DCLK1: variants seen among roughly 807,000 people sequenced by gnomAD.
The protein encoded by DCLK1 is serine/threonine-protein kinase DCLK1.
DCLK1 carries 16 observed loss-of-function variants against 86.2 expected under a neutral mutation model. The ratio of observed to expected loss-of-function variants is 0.19; its 90% confidence interval spans 0.13 to 0.28. The LOEUF (loss-of-function observed/expected upper bound fraction) is 0.28, where lower values mean the gene tolerates loss of function less well. Ranked by LOEUF, DCLK1 falls within the 10% of genes least tolerant of loss-of-function variation. The pLI is 1.00. For missense variants in DCLK1, 590 were observed against 940.2 expected (o/e 0.63, Z 4.87); for synonymous variants, 369 against 370.5 (o/e 1.00, Z 0.05).
intron 4 of DCLK1, among the ~76,000 whole-genome samples, chr13:35,916,710 C>G (rs775893442): frequency 4.8e-4 from 73 of 152,166 alleles, no homozygotes; most frequent in Non-Finnish European, 7.9e-4. Flanking sequence ...GATACACATG[C>G]ATGCATACAT....
chr13:35,825,545 T>C (rs1003218926), intron 10 of DCLK1, among the ~76,000 whole-genome samples: 1 of 152,086 alleles, frequency 6.6e-6, no homozygotes, highest in African/African-American at 2.4e-5. Context: ...CTTTGCCATC[T>C]TGAAATTTCA....
At chr13:35,850,050 C>T (rs1330793510) in intron 6 of DCLK1, 1 of 979,940 alleles carries the variant, frequency 1.0e-6, no homozygotes, top group Non-Finnish European at 1.2e-6. Context: ...TACTTGACAA[C>T]AAAAACAAGG....
chr13:36,065,632 T>C (rs1883719809), intron 3 of DCLK1, among the ~76,000 whole-genome samples: 1 of 152,156 alleles, frequency 6.6e-6, no homozygotes, highest in Non-Finnish European at 1.5e-5. Context: ...GAATTGAACC[T>C]AACCCTGAGA....
chr13:35,796,657 A>G (rs1480530987), intron 15 of DCLK1, among the ~76,000 whole-genome samples: 2 of 152,260 alleles, frequency 1.3e-5, no homozygotes, highest in African/African-American at 2.4e-5. Context: ...AGGTGAATTC[A>G]TTTGCTCCAC....
chr13:36,123,011 C>T (rs1886047553), intron 2 of DCLK1, among the ~76,000 whole-genome samples: 1 of 152,140 alleles, frequency 6.6e-6, no homozygotes, highest in African/African-American at 2.4e-5. Context: ...TATTGTAATT[C>T]AGAATTTTTA....
In DCLK1 at chr13:35,811,060, T is replaced by A. The variant is rs2153102980; in HGVS notation, c.1555-92A>T. ...TGAGGAACACTGTGTTTAAATTTAATGTATAGGAGGTAAAAAATAAATTAG... is the reference window on the plus strand; with the variant it reads ...TGAGGAACACTGTGTTTAAATTTAAAGTATAGGAGGTAAAAAATAAATTAG... On this transcript the variant is annotated intron_variant, in intron 11 of 16. Transcript: ENST00000360631. 5.9e-6 allele frequency: 9 copies of A among 1,515,330 alleles called. No individual in the cohort carries two copies. In the South Asian group the frequency reaches 1.1e-4, roughly 18 times the overall value. 93.9% of individuals were successfully genotyped at this position (1,515,330 alleles called of 1,614,324 possible). A position where few individuals can be genotyped will look rare whatever the true frequency, so the allele number is the denominator to read the frequency against.
intron 4 of DCLK1, among the ~76,000 whole-genome samples, chr13:35,941,003 C>T (rs1566612653): frequency 6.6e-6 from 1 of 152,032 alleles, no homozygotes; most frequent in African/African-American, 2.4e-5. Context: ...TTTATTGTCT[C>T]ATTTGAGGTC....
Position 35,828,445 on chromosome 13 carries a change from T to C in DCLK1, c.1230-138A>G. On this transcript the variant is annotated intron_variant, in intron 8 of 16. Transcript: ENST00000360631. The stretch of plus-strand genomic sequence containing the variant: ...TTTGTGAAAGGATTTCCTTTCCTTT[T>C]TTAAAAAAAAACAAATAAATATGTA... 7.0e-6 allele frequency: 5 copies of C among 710,178 alleles called. No individual in the cohort carries two copies. In the South Asian group the frequency reaches 1.0e-4, roughly 15 times the overall value. 44.0% of individuals were successfully genotyped at this position (710,178 alleles called of 1,614,324 possible). A position where few individuals can be genotyped will look rare whatever the true frequency, so the allele number is the denominator to read the frequency against.
rs1297759894 is a variant in DCLK1 at position 35,769,176 on chromosome 13, A to G, written c.*5359T>C. Reference sequence around the variant, plus strand: ...GATCTCATTCCACCTTTAATTAAGGACACAAATTGTTTGAAAGTTATTTCA... The same window carrying G: ...GATCTCATTCCACCTTTAATTAAGGGCACAAATTGTTTGAAAGTTATTTCA... On this transcript the variant is annotated 3_prime_UTR_variant, in exon 17 of 17. Coordinates refer to ENST00000360631, the MANE Select transcript of DCLK1 (RefSeq NM_001330071.2). The G allele has an allele frequency of 1.3e-5, 2 of 152,226 alleles. No individual in the cohort carries two copies. The highest frequency in any genetic ancestry group is 3.8e-4 in the East Asian group (2 of 5,206). 9.4% of individuals were successfully genotyped at this position (152,226 alleles called of 1,614,324 possible).
chr13:35,791,789 G>T (rs1484310205), intron 16 of DCLK1, among the ~76,000 whole-genome samples: 1 of 152,190 alleles, frequency 6.6e-6, no homozygotes, highest in Non-Finnish European at 1.5e-5. Context: ...AGGTGGAAAG[G>T]CACTCTCTCT....
chr13:35,899,797 A>G (rs1332826185), intron 4 of DCLK1, among the ~76,000 whole-genome samples: 1 of 152,210 alleles, frequency 6.6e-6, no homozygotes, highest in Non-Finnish European at 1.5e-5. Context: ...TTAGAGTAAT[A>G]ATAATTTTGA....
At chr13:35,840,874 T>C (rs1324582710) in intron 6 of DCLK1, among the ~76,000 whole-genome samples, 2 of 152,220 alleles carry the variant, frequency 1.3e-5, no homozygotes, top group East Asian at 3.8e-4. Context: ...AATATTGCAG[T>C]ATGAGGCTGA....
chr13:36,050,116 C>G (rs1883071740), intron 3 of DCLK1, among the ~76,000 whole-genome samples: 1 of 152,184 alleles, frequency 6.6e-6, no homozygotes, highest in Non-Finnish European at 1.5e-5. Flanking sequence ...TTGGAGCCTA[C>G]TATGTTTAAA....
At chr13:35,968,330 TTG>T (rs1402103625) in intron 3 of DCLK1, among the ~76,000 whole-genome samples, 2 of 152,158 alleles carry the variant, frequency 1.3e-5, no homozygotes, top group Non-Finnish European at 2.9e-5. Flanking sequence ...TTGCACAACA[TTG>T]TGGACATACT....
At chr13:35,823,906 C>T (rs2087457949) in intron 10 of DCLK1, among the ~76,000 whole-genome samples, 1 of 152,244 alleles carries the variant, frequency 6.6e-6, no homozygotes, top group African/African-American at 2.4e-5. Flanking sequence ...AGACTTCTCT[C>T]ACTGTCCCCC....
chr13:36,097,232 G>C (rs943291404), intron 3 of DCLK1, among the ~76,000 whole-genome samples: 4 of 152,228 alleles, frequency 2.6e-5, no homozygotes, highest in African/African-American at 9.6e-5. Context: ...TGGGAGCCCA[G>C]ATTGACTGCA....
chr13:35,864,807 T>C (rs1324722400), intron 5 of DCLK1, among the ~76,000 whole-genome samples: 1 of 151,860 alleles, frequency 6.6e-6, no homozygotes, highest in East Asian at 1.9e-4. Context: ...TGTGCACCAT[T>C]ACACCCAGCT....
intron 3 of DCLK1, among the ~76,000 whole-genome samples, chr13:36,078,065 T>A (rs187785056): frequency 6.6e-6 from 1 of 152,030 alleles, no homozygotes; most frequent in Admixed American, 6.6e-5. Flanking sequence ...GCCTTTGGAG[T>A]GATTAGGTTT....
chr13:35,809,533 G>A (rs1163906876), intron 12 of DCLK1, among the ~76,000 whole-genome samples: 1 of 152,176 alleles, frequency 6.6e-6, no homozygotes, highest in Non-Finnish European at 1.5e-5. Flanking sequence ...CTGTAGGTTG[G>A]ACAAGACAAG....
Sources: allele counts gnomAD v4.1 joint callset (sites outside exome capture counted in the v4.1 genomes callset), GRCh38; gene constraint gnomAD v4.1.1; transcripts MANE v1.5; gene names NCBI Gene and HGNC (gene_info 2026-07-23, HGNC 2026-07-21).